The following SENP7 variants were observed in gnomAD, a reference collection of about 807,000 sequenced individuals.
SENP7 encodes SUMO specific peptidase 7, also known as sentrin-specific protease 7.
A neutral mutation model predicts 141.2 loss-of-function variants in SENP7; 64 were observed. That is an observed-to-expected ratio of 0.45 (90% CI 0.37 to 0.56). SENP7 has a LOEUF of 0.56. SENP7 is among the 20% of genes least tolerant of loss of function. The pLI is 0.00. For missense variants in SENP7, 1,025 were observed against 1,212.2 expected, an observed-to-expected ratio of 0.85 and a Z score of 2.29; for synonymous variants, 382 against 426.4, an observed-to-expected ratio of 0.90 and a Z score of 1.28.
At chr3:101,511,354 A>T (rs1307015021) in intron 1 of SENP7, among the ~76,000 whole-genome samples, 1 of 152,192 alleles carries the variant, frequency 6.6e-6, no homozygotes, top group Non-Finnish European at 1.5e-5. Context: ...CTCCTCAAAA[A>T]TGTATTAAAC....
Position 101,332,872 on chromosome 3 carries a change from T to C in SENP7, c.2481-10A>G. 1 of 1,573,158 alleles carries C rather than the reference T, an allele frequency of 6.4e-7. No individual in the cohort carries two copies. The highest frequency in any genetic ancestry group is 8.6e-7 in the Non-Finnish European group (1 of 1,166,388). On this transcript the variant is annotated splice_polypyrimidine_tract_variant and intron_variant, in intron 17 of 23. Transcript: ENST00000394095. The stretch of plus-strand genomic sequence containing the variant: ...TCTTCTCTGTGCCATTCTGAGAGTA[T>C]GAAAGACAGATTTGATATATAAAAA...
chr3:101,368,259 T>C (rs138834587), intron 7 of SENP7, among the ~76,000 whole-genome samples: 25 of 151,938 alleles, frequency 1.6e-4, no homozygotes, highest in African/African-American at 4.8e-4. Flanking sequence ...AAAGAAGAAA[T>C]ATCCTTTTTC....
At chr3:101,500,099 C>T (rs1462822185) in intron 2 of SENP7, among the ~76,000 whole-genome samples, 2 of 152,182 alleles carry the variant, frequency 1.3e-5, no homozygotes, top group African/African-American at 2.4e-5. Flanking sequence ...TTTATGACTT[C>T]TTCTCCTTCT....
At chr3:101,470,106 T>C (rs189289620) in intron 3 of SENP7, among the ~76,000 whole-genome samples, 3 of 152,234 alleles carry the variant, frequency 2.0e-5, no homozygotes, top group Non-Finnish European at 1.5e-5. Context: ...TAGCACTAAA[T>C]GTCCACAAGA....
intron 6 of SENP7, among the ~76,000 whole-genome samples, chr3:101,380,833 G>C (rs920647845): frequency 6.6e-6 from 1 of 152,044 alleles, no homozygotes; most frequent in Non-Finnish European, 1.5e-5. Flanking sequence ...GTCCAAAGGA[G>C]CATTGTTTAT....
intron 19 of SENP7, among the ~76,000 whole-genome samples, chr3:101,331,386 G>A (rs1031357222): frequency 6.6e-6 from 1 of 151,520 alleles, no homozygotes; most frequent in African/African-American, 2.4e-5. Flanking sequence ...AGGAGGGTAA[G>A]GCAGGAGGAT....
intron 11 of SENP7, among the ~76,000 whole-genome samples, chr3:101,351,959 G>A (rs1210004348): frequency 6.6e-6 from 1 of 151,930 alleles, no homozygotes; most frequent in Non-Finnish European, 1.5e-5. Flanking sequence ...AAACTGCCAA[G>A]AGACCTCTAA....
chr3:101,444,331 TG>T, intron 4 of SENP7, among the ~76,000 whole-genome samples: 1 of 151,886 alleles, frequency 6.6e-6, no homozygotes, highest in South Asian at 2.1e-4. Flanking sequence ...GAAGTCAGTG[TG>T]GCGATTTCTC....
At chr3:101,380,425 G>A (rs2060462987) in intron 6 of SENP7, among the ~76,000 whole-genome samples, 1 of 45,196 alleles carries the variant, frequency 2.2e-5, no homozygotes. Context: ...AGAACGTAAA[G>A]CAAACCACCG....
chr3:101,411,354 A>C (rs1005344098), intron 5 of SENP7, among the ~76,000 whole-genome samples: 5 of 152,226 alleles, frequency 3.3e-5, no homozygotes, highest in African/African-American at 1.2e-4. Flanking sequence ...TCTTGATAAA[A>C]AATCTTATTA....
chr3:101,332,178 A>C lies in SENP7; in HGVS notation c.2574-69T>G, dbSNP rs2059075490. ...ACAACATATAATATATTCTAGAGAT[A>C]CATCTGAGAAAGTGAGAATAAATTT... On this transcript the variant is annotated intron_variant, in intron 18 of 23. Coordinates refer to ENST00000394095, the MANE Select transcript of SENP7 (RefSeq NM_020654.5). 10 of 1,425,338 alleles carry C rather than the reference A, an allele frequency of 7.0e-6. No individual in the cohort carries two copies. In the South Asian group the frequency reaches 1.2e-4, roughly 17 times the overall value. The allele number at this position is 1,425,338 out of a possible 1,614,324, so 88.3% of individuals were successfully genotyped here. A position where few individuals can be genotyped will look rare whatever the true frequency, so the allele number is the denominator to read the frequency against.
chr3:101,328,482 G>A lies in SENP7; in HGVS notation c.2860C>T (p.Arg954Ter), dbSNP rs374261191. The change falls in exon 22 of 24, where the codon CGA becomes TGA. Residue 954 changes from arginine (R) to a stop codon, truncating the protein, a stop_gained. Transcript: ENST00000394095. LOFTEE classifies it high-confidence loss of function. ...ASVQNTVQNL[R>*]EYLEVEWEVK... is the part of the protein sequence containing the mutation. ...GGTAAAATTGTCATTACTTACTCTC[G>A]TAAATTCTGAACTGTGTTTTGTACA... is the stretch of plus-strand genomic sequence containing the variant. The A allele has an allele frequency of 1.2e-6, 2 of 1,610,298 alleles. No individual in the cohort carries two copies. The highest frequency in any genetic ancestry group is 1.7e-6 in the Non-Finnish European group (2 of 1,177,330).
chr3:101,437,252 T>C (rs912937355), intron 4 of SENP7, among the ~76,000 whole-genome samples: 2 of 152,050 alleles, frequency 1.3e-5, no homozygotes, highest in East Asian at 1.9e-4. Context: ...GGGGGGCAGG[T>C]GGGGACAGTT....
chr3:101,378,683 C>G (rs2060408330), intron 6 of SENP7, among the ~76,000 whole-genome samples: 1 of 151,912 alleles, frequency 6.6e-6, no homozygotes, highest in Admixed American at 6.6e-5. Context: ...TGTCAGACAC[C>G]AAATCACAGA....
chr3:101,498,519 CCA>C (rs2065246437), intron 2 of SENP7, among the ~76,000 whole-genome samples: 1 of 152,144 alleles, frequency 6.6e-6, no homozygotes, highest in South Asian at 2.1e-4. Flanking sequence ...AAAATACTGT[CCA>C]GTTTTCTTCA....
chr3:101,397,343 G>A (rs1054001717), intron 6 of SENP7, among the ~76,000 whole-genome samples: 2 of 151,830 alleles, frequency 1.3e-5, no homozygotes, highest in Non-Finnish European at 2.9e-5. Context: ...ATGCCTCCTA[G>A]GCTGGTCTTG....
At chr3:101,463,794 C>A (rs1421672414) in intron 3 of SENP7, among the ~76,000 whole-genome samples, 3 of 151,832 alleles carry the variant, frequency 2.0e-5, no homozygotes, top group African/African-American at 7.3e-5. Flanking sequence ...CAGAAAAAAA[C>A]TTCATTTATT....
intron 4 of SENP7, among the ~76,000 whole-genome samples, chr3:101,438,333 A>C (rs1025269664): frequency 6.6e-5 from 10 of 152,258 alleles, no homozygotes; most frequent in African/African-American, 2.4e-4. Context: ...AGCTAGTCAC[A>C]AAAAGACAAA....
intron 5 of SENP7, among the ~76,000 whole-genome samples, chr3:101,411,405 A>C (rs998494768): frequency 6.6e-6 from 1 of 152,228 alleles, no homozygotes; most frequent in African/African-American, 2.4e-5. Context: ...GTATATAATT[A>C]AACAGTTAGC....
Sources: gnomAD v4.1 joint callset for allele counts (sites outside exome capture counted in the v4.1 genomes callset) on GRCh38, gnomAD v4.1.1 for gene constraint, MANE v1.5 for transcripts, NCBI Gene and HGNC (gene_info 2026-07-23, HGNC 2026-07-21) for gene names.